The following CBLB variants were observed in gnomAD, a reference collection of about 807,000 sequenced individuals.
The protein encoded by CBLB is Cbl proto-oncogene B.
In CBLB, 31 loss-of-function variants were observed where a neutral mutation model predicts 104.9. That is an observed-to-expected ratio of 0.30 (90% CI 0.22 to 0.40). The LOEUF (loss-of-function observed/expected upper bound fraction) is 0.40, where lower values mean the gene tolerates loss of function less well. CBLB is among the 10% of genes least tolerant of loss of function. CBLB has a pLI of 1.00. For missense variants in CBLB, 1,062 were observed against 1,214.6 expected, an observed-to-expected ratio of 0.87 and a Z score of 1.87; for synonymous variants, 440 against 422.6, an observed-to-expected ratio of 1.04 and a Z score of -0.51.
intron 6 of CBLB, among the ~76,000 whole-genome samples, chr3:105,742,450 C>A (rs2075699097): frequency 6.6e-6 from 1 of 151,870 alleles, no homozygotes; most frequent in Non-Finnish European, 1.5e-5. Context: ...GTGATAGAAT[C>A]TTTGGAAAGA....
intron 3 of CBLB, among the ~76,000 whole-genome samples, chr3:105,814,227 T>G (rs1375342224): frequency 6.6e-6 from 1 of 152,086 alleles, no homozygotes; most frequent in African/African-American, 2.4e-5. Context: ...TGTTTATACG[T>G]GCATCAGAGA....
At chr3:105,864,177 T>C (rs1465540962) in intron 2 of CBLB, among the ~76,000 whole-genome samples, 1 of 152,184 alleles carries the variant, frequency 6.6e-6, no homozygotes, top group African/African-American at 2.4e-5. Context: ...GTTCCCACTG[T>C]ACTTGGGGTT....
chr3:105,834,213 A>G (rs1047561131), intron 3 of CBLB, among the ~76,000 whole-genome samples: 3 of 152,182 alleles, frequency 2.0e-5, no homozygotes, highest in Non-Finnish European at 4.4e-5. Context: ...CTAAGAGGGT[A>G]TATTTTAAAT....
Position 105,779,180 on chromosome 3 carries a change from A to G in CBLB, c.420-2638T>C, listed in dbSNP as rs190054112. On this transcript the variant is annotated intron_variant, in intron 3 of 18. Transcript: ENST00000394030. ...TATTTTTTTAATTTTTACTTGTTAGATCTAAAGTCTGAAACACAACGCCAG... is the reference window on the plus strand; with the variant it reads ...TATTTTTTTAATTTTTACTTGTTAGGTCTAAAGTCTGAAACACAACGCCAG... 2.2e-3 allele frequency among the ~76,000 whole-genome samples: 339 copies of G among 152,276 alleles called. 2 individuals carry two copies. The highest frequency in any genetic ancestry group is 7.9e-3 in the African/African-American group (329 of 41,548).
intron 13 of CBLB, among the ~76,000 whole-genome samples, chr3:105,690,498 TG>T: frequency 6.6e-6 from 1 of 152,098 alleles, no homozygotes; most frequent in Non-Finnish European, 1.5e-5. Context: ...TTCTACCAGA[TG>T]GGGAAAGGCC....
In CBLB at chr3:105,776,447, C is replaced by T. The variant is rs755523013; in HGVS notation, c.515G>A (p.Arg172His). 7 of 1,613,686 alleles carry T rather than the reference C, an allele frequency of 4.3e-6. No individual in the cohort carries two copies. Among genetic ancestry groups the T allele is most frequent in the East Asian group, 2.2e-5 (1 of 44,832 alleles). ...TTCAGCAGCATCTGCTTTTGTGATA[C>T]GAAAGTTATCTCCCTGGAATTGACC... ...PNGQFQGDNFRITKADAAEFW... is the reference protein window; with the variant it reads ...PNGQFQGDNFHITKADAAEFW... The change falls in exon 4 of 19, where the codon CGT becomes CAT. Residue 172 changes from arginine to histidine, a missense_variant. Around this residue, in one of 2 missense-constraint regions of CBLB, gnomAD observed 457 missense variants for 632.0 expected, o/e 0.72. Transcript: ENST00000394030.
At chr3:105,801,396 T>A (rs908845877) in intron 3 of CBLB, among the ~76,000 whole-genome samples, 3 of 152,212 alleles carry the variant, frequency 2.0e-5, no homozygotes, top group Non-Finnish European at 4.4e-5. Flanking sequence ...ACAGATTATT[T>A]AAAATGTGTT....
intron 12 of CBLB, among the ~76,000 whole-genome samples, chr3:105,696,728 T>C (rs1008487158): frequency 2.0e-5 from 3 of 151,902 alleles, no homozygotes; most frequent in Non-Finnish European, 2.9e-5. Flanking sequence ...AAAAGAAAAC[T>C]TTAAATATTC....
At chr3:105,734,231 G>A in intron 8 of CBLB, 91 bp from the exon 9 acceptor site, 1 of 1,267,104 alleles carries the variant, frequency 7.9e-7, no homozygotes, top group Non-Finnish European at 1.1e-6. Context: ...ATGACGCACA[G>A]TCAATATCTC....
chr3:105,739,190 G>A lies in CBLB; in HGVS notation c.983+1304C>T, dbSNP rs1005196502. The stretch of plus-strand genomic sequence containing the variant: ...CTCCCAAAATGCTGGGATTACAGGC[G>A]TAAGCCACCACTCCCACCCAAAAGC... On this transcript the variant is annotated intron_variant, in intron 7 of 18. Transcript: ENST00000394030. Among the ~76,000 whole-genome samples the A allele has an allele frequency of 3.3e-5, 5 of 152,264 alleles. No individual in the cohort carries two copies. In the South Asian group the frequency reaches 6.2e-4, roughly 19 times the overall value.
intron 2 of CBLB, 93 bp downstream of exon 2, chr3:105,867,317 A>G (rs766460480): frequency 6.3e-6 from 7 of 1,118,166 alleles, no homozygotes; most frequent in Non-Finnish European, 9.6e-6. Context: ...TGCCATAACA[A>G]TGGTTGGTAT....
intron 4 of CBLB, among the ~76,000 whole-genome samples, chr3:105,754,499 G>GAC (rs1457659281): frequency 1.8e-5 from 1 of 55,156 alleles, no homozygotes; most frequent in African/African-American, 7.4e-5. Context: ...AGGGAAGAGA[G>GAC]AGAGAGAGAG....
At chr3:105,862,903 G>T (rs1577990692) in intron 2 of CBLB, among the ~76,000 whole-genome samples, 1 of 151,974 alleles carries the variant, frequency 6.6e-6, no homozygotes, top group African/African-American at 2.4e-5. Flanking sequence ...AGCAAGCAAC[G>T]GTTCACCTCT....
At chr3:105,690,546 G>A (rs1272088062) in intron 13 of CBLB, among the ~76,000 whole-genome samples, 1 of 152,162 alleles carries the variant, frequency 6.6e-6, no homozygotes, top group Non-Finnish European at 1.5e-5. Flanking sequence ...GACAAAGGCT[G>A]GGCATGGTGG....
intron 3 of CBLB, among the ~76,000 whole-genome samples, chr3:105,844,070 A>C (rs1316108834): frequency 6.6e-6 from 1 of 152,192 alleles, no homozygotes; most frequent in African/African-American, 2.4e-5. Flanking sequence ...TGTAAGAGGG[A>C]AATTTGGACA....
Position 105,682,861 on chromosome 3 carries a change from C to T in CBLB, c.2202-1043G>A, listed in dbSNP as rs184737205. The stretch of plus-strand genomic sequence containing the variant: ...ATGAACACAATGGTTAAAATTGAGC[C>T]ATGGGAAGATAGCAGCAGGAAGAGA... On this transcript the variant is annotated intron_variant, in intron 14 of 18. Transcript: ENST00000394030. Among the ~76,000 whole-genome samples the T allele has an allele frequency of 1.2e-4, 18 of 152,150 alleles. No homozygotes were observed. The East Asian group carries it at 3.5e-3, about 29-fold the overall frequency.
At position 105,702,175 on chromosome 3, in the gene CBLB, A is replaced by G. The variant is rs555782492; in HGVS notation, c.1878T>C (p.Asn626=). Residue 626 remains asparagine (N), a synonymous_variant, in exon 12 of 19, where the codon AAT becomes AAC. Coordinates refer to ENST00000394030, the MANE Select transcript of CBLB (RefSeq NM_170662.5). ...CAGAGCCCACTCTACTGTGCCTTCC[A>G]TTGACATTTGAACTCGCTGTGATTC... is the stretch of plus-strand genomic sequence containing the variant. ...KPGITASSNV[N]GRHSRVGSDP... The G allele has an allele frequency of 1.9e-6, 3 of 1,614,076 alleles. No individual in the cohort carries two copies. Among genetic ancestry groups the G allele is most frequent in the African/African-American group, 1.3e-5 (1 of 75,006 alleles).
chr3:105,698,061 T>C (rs1421010504), intron 12 of CBLB, among the ~76,000 whole-genome samples: 3 of 152,026 alleles, frequency 2.0e-5, no homozygotes, highest in African/African-American at 7.2e-5. Flanking sequence ...TGCTATAGGA[T>C]AGAAATCTCT....
intron 1 of CBLB, 33 bp from the exon 2 acceptor site, chr3:105,867,624 A>C (rs2092500452): frequency 6.2e-7 from 1 of 1,600,394 alleles, no homozygotes; most frequent in African/African-American, 1.3e-5. Context: ...AAGAAAAGTT[A>C]GTTGGTTTTG....
Sources: gnomAD v4.1 joint callset for allele counts (sites outside exome capture counted in the v4.1 genomes callset) on GRCh38, gnomAD v4.1.1 for gene constraint, gnomAD v4.1.1 regional missense constraint, MANE v1.5 for transcripts, NCBI Gene and HGNC (gene_info 2026-07-23, HGNC 2026-07-21) for gene names.